The following LRMDA variants were observed in gnomAD, a reference collection of about 807,000 sequenced individuals.
LRMDA encodes the protein leucine-rich melanocyte differentiation-associated protein.
In LRMDA, 18 loss-of-function variants were observed where a neutral mutation model predicts 29.8. The observed-to-expected ratio is 0.60, with a 90% confidence interval of 0.42 to 0.90. The LOEUF is 0.90. Ranked by LOEUF, LRMDA falls within the 40% of genes least tolerant of loss-of-function variation. The pLI is 0.00. For missense variants in LRMDA, 273 were observed against 273.9 expected (o/e 1.00, Z 0.02); for synonymous variants, 125 against 109.4 (o/e 1.14, Z -0.89).
rs558637864 is a variant in LRMDA, at chr10:76,251,226, C to CTT, written c.517-73139_517-73138dup. On this transcript the variant is annotated intron_variant, in intron 5 of 6. Coordinates refer to ENST00000611255, the MANE Select transcript of LRMDA (RefSeq NM_001305581.2). ...CATTGAAGGTTATCTCCCGTCGCTT[C>CTT]TTTTTTTTTTTTTTTTTTTTTTTTT... Among the ~76,000 whole-genome samples the CTT allele has an allele frequency of 2.0e-4, 14 of 70,308 alleles. 2 individuals are homozygous for CTT. Among genetic ancestry groups the CTT allele is most frequent in the Non-Finnish European group, 2.3e-4 (8 of 35,204 alleles). The allele number at this position is 70,308 out of a possible 152,430, so 46.1% of individuals were successfully genotyped here. A position where few individuals can be genotyped will look rare whatever the true frequency, so the allele number is the denominator to read the frequency against.
chr10:75,631,432 G>T (rs994776034), intron 2 of LRMDA, among the ~76,000 whole-genome samples: 1 of 149,222 alleles, frequency 6.7e-6, no homozygotes, highest in African/African-American at 2.6e-5. Context: ...CCAACATGTT[G>T]CCAGGAATAG....
chr10:76,554,518 AT>A (rs1318797588), intron 6 of LRMDA, among the ~76,000 whole-genome samples: 2 of 152,102 alleles, frequency 1.3e-5, no homozygotes, highest in East Asian at 3.9e-4. Context: ...TCCTTGCCTC[AT>A]TTTCCAAGTG....
At chr10:75,653,998 G>A (rs1336860838) in intron 2 of LRMDA, among the ~76,000 whole-genome samples, 1 of 152,178 alleles carries the variant, frequency 6.6e-6, no homozygotes, top group Non-Finnish European at 1.5e-5. Context: ...CCTCTATGTG[G>A]ACATTTGGTC....
chr10:76,036,530 G>A (rs1329319288), intron 3 of LRMDA, among the ~76,000 whole-genome samples: 1 of 152,204 alleles, frequency 6.6e-6, no homozygotes, highest in African/African-American at 2.4e-5. Flanking sequence ...GGGAAGTCCC[G>A]GGTAATGCCG....
At chr10:75,513,257 C>T (rs549241282) in intron 2 of LRMDA, among the ~76,000 whole-genome samples, 5 of 152,280 alleles carry the variant, frequency 3.3e-5, no homozygotes, top group South Asian at 2.1e-4. Context: ...CATTCCATTA[C>T]GTGCATGCTT....
intron 5 of LRMDA, among the ~76,000 whole-genome samples, chr10:76,142,368 C>A (rs1333756873): frequency 6.6e-6 from 1 of 152,026 alleles, no homozygotes; most frequent in Non-Finnish European, 1.5e-5. Flanking sequence ...GTGTGGTCCT[C>A]TTCAGTGTAA....
At chr10:75,973,340 C>T (rs1847012062) in intron 2 of LRMDA, among the ~76,000 whole-genome samples, 1 of 152,028 alleles carries the variant, frequency 6.6e-6, no homozygotes, top group Non-Finnish European at 1.5e-5. Context: ...CATATGCCAT[C>T]ATTGTCTTTT....
intron 5 of LRMDA, among the ~76,000 whole-genome samples, chr10:76,225,599 C>G (rs1851938346): frequency 6.6e-6 from 1 of 151,928 alleles, no homozygotes; most frequent in Non-Finnish European, 1.5e-5. Flanking sequence ...ACTTCTCTCT[C>G]TTTTCTTCTC....
At chr10:75,964,157 A>G (rs956362620) in intron 2 of LRMDA, among the ~76,000 whole-genome samples, 3 of 152,140 alleles carry the variant, frequency 2.0e-5, no homozygotes, top group African/African-American at 7.2e-5. Context: ...TTACAAATAA[A>G]CTCAACCCAG....
intron 2 of LRMDA, among the ~76,000 whole-genome samples, chr10:75,443,902 A>G (rs1171904666): frequency 1.3e-5 from 2 of 152,078 alleles, no homozygotes; most frequent in East Asian, 1.9e-4. Context: ...ATGTGGCTGG[A>G]TTTGTATTTA....
chr10:75,867,316 C>A (rs1481024488), intron 2 of LRMDA, among the ~76,000 whole-genome samples: 3 of 152,176 alleles, frequency 2.0e-5, no homozygotes, highest in African/African-American at 7.2e-5. Context: ...GCACCCGCCA[C>A]CACGCCTGGC....
intron 2 of LRMDA, among the ~76,000 whole-genome samples, chr10:76,015,365 C>T (rs754860137): frequency 3.3e-5 from 5 of 152,174 alleles, no homozygotes; most frequent in African/African-American, 4.8e-5. Context: ...AGCTCATTCA[C>T]GTGATTGTGG....
At position 76,551,010 on chromosome 10, in the gene LRMDA, A is replaced by G. The variant is rs544198002; in HGVS notation, c.602-6199A>G. ...TCCAGCTACTTCTCAAGATCATAAA[A>G]CATGGGTGTTTATTCCTTTCCAGTT... On this transcript the variant is annotated intron_variant, in intron 6 of 6. Coordinates refer to ENST00000611255, the MANE Select transcript of LRMDA (RefSeq NM_001305581.2). 1.7e-3 allele frequency among the ~76,000 whole-genome samples: 252 copies of G among 152,332 alleles called. 1 individual carries two copies. Among genetic ancestry groups the G allele is most frequent in the African/African-American group, 5.7e-3 (238 of 41,578 alleles).
chr10:75,454,181 T>A (rs758056008), intron 2 of LRMDA, among the ~76,000 whole-genome samples: 1 of 152,164 alleles, frequency 6.6e-6, no homozygotes, highest in Non-Finnish European at 1.5e-5. Flanking sequence ...TGACCAACTA[T>A]CAGACAAGGT....
intron 2 of LRMDA, among the ~76,000 whole-genome samples, chr10:75,954,840 A>G (rs1269338432): frequency 3.3e-5 from 5 of 152,244 alleles, no homozygotes; most frequent in African/African-American, 1.2e-4. Flanking sequence ...CTCTGAGTTG[A>G]AAATTGATTC....
At chr10:76,233,326 T>A (rs1252621032) in intron 5 of LRMDA, among the ~76,000 whole-genome samples, 2 of 152,246 alleles carry the variant, frequency 1.3e-5, no homozygotes, top group Non-Finnish European at 2.9e-5. Flanking sequence ...AATTTTAAAA[T>A]ACTTTATTGT....
chr10:76,137,001 C>T (rs1481846334), intron 5 of LRMDA, among the ~76,000 whole-genome samples: 2 of 152,174 alleles, frequency 1.3e-5, no homozygotes, highest in Non-Finnish European at 2.9e-5. Context: ...CTGTACAGCT[C>T]ATGTTATTTT....
chr10:76,072,023 C>T (rs541334149), intron 5 of LRMDA, among the ~76,000 whole-genome samples: 15 of 152,306 alleles, frequency 9.8e-5, no homozygotes, highest in African/African-American at 2.6e-4. Flanking sequence ...GAGTCATACA[C>T]GCAATAAAAC....
chr10:75,907,026 A>G (rs1365013752), intron 2 of LRMDA, among the ~76,000 whole-genome samples: 1 of 152,230 alleles, frequency 6.6e-6, no homozygotes, highest in Admixed American at 6.5e-5. Context: ...TTCCTGGAAT[A>G]TACAAGTAGG....
Sources: gnomAD v4.1 joint callset for allele counts (sites outside exome capture counted in the v4.1 genomes callset) on GRCh38, gnomAD v4.1.1 for gene constraint, MANE v1.5 for transcripts, NCBI Gene and HGNC (gene_info 2026-07-23, HGNC 2026-07-21) for gene names.